DSE: variants seen among roughly 807,000 people sequenced by gnomAD.
The protein encoded by DSE is dermatan-sulfate epimerase.
A neutral mutation model predicts 84.4 loss-of-function variants in DSE; 36 were observed. The observed-to-expected ratio is 0.43, with a 90% confidence interval of 0.33 to 0.56. DSE has a LOEUF of 0.56. DSE is among the 20% of genes least tolerant of loss of function. DSE has a pLI of 0.06. For synonymous variants in DSE, 410 were observed against 430.1 expected (o/e 0.95, Z 0.58); for missense variants, 862 against 1,169.6 (o/e 0.74, Z 3.84).
chr6:116,276,661 TTTAA>T (rs1773157219), intron 2 of DSE: 1 of 152,188 alleles, frequency 6.6e-6, no homozygotes, highest in African/African-American at 2.4e-5. Context: ...TTCCATAATT[TTTAA>T]TTAATATGAA....
At chr6:116,311,301 G>A (rs9488898) in intron 2 of DSE, among the ~76,000 whole-genome samples, 1 of 151,996 alleles carries the variant, frequency 6.6e-6, no homozygotes, top group East Asian at 1.9e-4. Flanking sequence ...TCTCCCACCA[G>A]AATATAAGCA....
intron 2 of DSE, among the ~76,000 whole-genome samples, chr6:116,285,697 A>G (rs994580224): frequency 6.6e-6 from 1 of 152,156 alleles, no homozygotes; most frequent in African/African-American, 2.4e-5. Flanking sequence ...TAATTTTTGT[A>G]TGCGGTGTAA....
intron 2 of DSE, among the ~76,000 whole-genome samples, chr6:116,406,523 T>C (rs888819822): frequency 3.3e-5 from 5 of 152,352 alleles, no homozygotes; most frequent in African/African-American, 1.2e-4. Context: ...TTTTAAAAGT[T>C]GGCTTTATTT....
exon 2 of DSE, chr6:116,258,487 G>A: frequency 9.3e-7 from 1 of 1,076,644 alleles, no homozygotes; most frequent in Non-Finnish European, 1.5e-6. Context: ...GCAACAGCTG[G>A]GAAAATCAGC....
At chr6:116,393,499 C>A (rs1427782353) in intron 1 of DSE, among the ~76,000 whole-genome samples, 1 of 152,150 alleles carries the variant, frequency 6.6e-6, no homozygotes, top group Non-Finnish European at 1.5e-5. Flanking sequence ...AGGTCTGAAA[C>A]ATCTTCCTTT....
intron 2 of DSE, among the ~76,000 whole-genome samples, chr6:116,348,529 A>T (rs1303522002): frequency 1.3e-5 from 2 of 152,138 alleles, no homozygotes; most frequent in African/African-American, 4.8e-5. Context: ...TGTTAGTGGG[A>T]CTGTAAAGTA....
intron 2 of DSE, among the ~76,000 whole-genome samples, chr6:116,275,124 T>C (rs530034769): frequency 3.3e-5 from 5 of 152,386 alleles, no homozygotes; most frequent in African/African-American, 1.2e-4. Context: ...TTTATATTTA[T>C]AGATCTCAAT....
intron 2 of DSE, among the ~76,000 whole-genome samples, chr6:116,424,651 A>G (rs889302416): frequency 6.6e-6 from 1 of 152,226 alleles, no homozygotes. Flanking sequence ...TGAAGAAAAA[A>G]GTCCTGCCCT....
Position 116,399,466 on chromosome 6 carries a change from G to A in DSE, c.216G>A (p.Thr72=), listed in dbSNP as rs61747210. 2.7e-4 allele frequency: 429 copies of A among 1,614,208 alleles called. 4 individuals carry two copies. In the African/African-American group the frequency reaches 4.8e-3, roughly 18 times the overall value. Residue 72 remains threonine, a synonymous_variant, in exon 2 of 6, where the codon ACG becomes ACA. Transcript: ENST00000644252. ...ACGAGCACATTGCAGCCCGCCTCAC[G>A]GAGGCTGTGCACACGATGCTGTCCA... is the stretch of plus-strand genomic sequence containing the variant. The part of the protein sequence containing the change: ...SSHEHIAARL[T]EAVHTMLSSP...
rs1366158452 is a variant in DSE, at chr6:116,441,051, T to A, written c.*3706T>A. 3 of 151,624 alleles carry A rather than the reference T, an allele frequency of 2.0e-5. No individual in the cohort carries two copies. Among genetic ancestry groups the A allele is most frequent in the Non-Finnish European group, 4.4e-5 (3 of 67,852 alleles). The allele number at this position is 151,624 out of a possible 1,614,324, so 9.4% of individuals were successfully genotyped here. A position where few individuals can be genotyped will look rare whatever the true frequency, so the allele number is the denominator to read the frequency against. On this transcript the variant is annotated 3_prime_UTR_variant, in exon 6 of 6. Transcript: ENST00000644252. ...TTTAATTTACTGGCAAAATGACGTA[T>A]TTTTTTTTCAGCAATGTTTCAGCTA...
At chr6:116,408,355 A>G (rs1039392465) in intron 2 of DSE, among the ~76,000 whole-genome samples, 7 of 152,314 alleles carry the variant, frequency 4.6e-5, no homozygotes, top group African/African-American at 1.7e-4. Flanking sequence ...ACTGGCACAT[A>G]AGCTTATTGA....
At chr6:116,291,186 C>T (rs1014945610) in intron 2 of DSE, among the ~76,000 whole-genome samples, 4 of 151,974 alleles carry the variant, frequency 2.6e-5, no homozygotes, top group African/African-American at 4.8e-5. Context: ...AATTATAATA[C>T]CAGATGAAAC....
At chr6:116,431,225 T>TA in intron 4 of DSE, 32 bp downstream of exon 4, 1 of 1,606,108 alleles carries the variant, frequency 6.2e-7, no homozygotes, top group Non-Finnish European at 8.5e-7. Flanking sequence ...GTGAAAACAT[T>TA]AAACTATTGT....
At chr6:116,332,919 A>T (rs1777036608) in intron 2 of DSE, among the ~76,000 whole-genome samples, 1 of 152,198 alleles carries the variant, frequency 6.6e-6, no homozygotes, top group Admixed American at 6.5e-5. Context: ...AAGTATAAGA[A>T]AAGGTCTTTG....
Position 116,440,823 on chromosome 6 carries a change from T to C in DSE, c.*3478T>C, listed in dbSNP as rs1784400553. On this transcript the variant is annotated 3_prime_UTR_variant, in exon 6 of 6. Coordinates refer to ENST00000644252, the MANE Select transcript of DSE (RefSeq NM_013352.4). ...GAAGTCTGAAGGTCTAACTCAAAGT[T>C]TGATGCTTTTTAAGCAAGTTTAGGG... 1 of 152,072 alleles carries C rather than the reference T, an allele frequency of 6.6e-6. No homozygotes were observed. Among genetic ancestry groups the C allele is most frequent in the Non-Finnish European group, 1.5e-5 (1 of 68,010 alleles). The allele number at this position is 152,072 out of a possible 1,614,324, so 9.4% of individuals were successfully genotyped here. A position where few individuals can be genotyped will look rare whatever the true frequency, so the allele number is the denominator to read the frequency against.
intron 2 of DSE, among the ~76,000 whole-genome samples, chr6:116,346,970 C>T (rs1294860056): frequency 6.6e-6 from 1 of 152,082 alleles, no homozygotes; most frequent in Non-Finnish European, 1.5e-5. Flanking sequence ...TTCCTATACA[C>T]CAATAACAGA....
intron 2 of DSE, among the ~76,000 whole-genome samples, chr6:116,347,158 T>C (rs1286400652): frequency 1.3e-5 from 2 of 152,156 alleles, no homozygotes; most frequent in Admixed American, 6.5e-5. Flanking sequence ...TGCTCATGGA[T>C]AGGAGGAATC....
intron 2 of DSE, among the ~76,000 whole-genome samples, chr6:116,325,653 C>T (rs1321141447): frequency 6.6e-6 from 1 of 152,166 alleles, no homozygotes; most frequent in African/African-American, 2.4e-5. Context: ...TTCTGCCCTC[C>T]ATGTAAGGAC....
At position 116,258,420 on chromosome 6, in the gene DSE, T is replaced by C. The variant is rs964709816; in HGVS notation, c.-575-26T>C. ...TTTAAAGTCATTATAATAACTTAGT[T>C]GTAATTTTTTTGCTTTTTTTGGTAG... On this transcript the variant is annotated intron_variant, in intron 1 of 3. Transcript: ENST00000430252. 5.6e-6 allele frequency: 4 copies of C among 718,004 alleles called. No homozygotes were observed. The South Asian group carries it at 5.9e-5, about 11-fold the overall frequency. 44.5% of individuals were successfully genotyped at this position (718,004 alleles called of 1,614,324 possible).
Sources: gnomAD v4.1 joint callset for allele counts (sites outside exome capture counted in the v4.1 genomes callset) on GRCh38, gnomAD v4.1.1 for gene constraint, MANE v1.5 for transcripts, NCBI Gene and HGNC (gene_info 2026-07-23, HGNC 2026-07-21) for gene names.